Variants in ULK4 observed in about 807,000 individuals in gnomAD.
The protein encoded by ULK4 is unc-51 like kinase 4, also known as inactive serine/threonine-protein kinase ULK4.
Under a neutral mutation model 160.6 loss-of-function variants are expected in ULK4, and 133 were observed. The observed-to-expected ratio is 0.83, with a 90% CI of 0.72 to 0.96. The LOEUF (loss-of-function observed/expected upper bound fraction) is 0.96. ULK4 is among the 40% of genes least tolerant of loss of function. The probability of loss-of-function intolerance (pLI) is 0.00; values close to 1 mark genes in which losing one functional copy is unlikely to be tolerated. For synonymous variants in ULK4, 534 were observed against 539.8 expected (o/e 0.99, Z 0.15); for missense variants, 1,580 against 1,499.5 (o/e 1.05, Z -0.89).
chr3:41,292,896 A>T (rs1054367673), intron 35 of ULK4, among the ~76,000 whole-genome samples: 2 of 152,154 alleles, frequency 1.3e-5, no homozygotes, highest in Non-Finnish European at 2.9e-5. Context: ...GTGAGCCAAG[A>T]TTGCACGACT....
chr3:41,318,250 ATTTTT>A (rs900385612), intron 35 of ULK4, among the ~76,000 whole-genome samples: 6 of 151,704 alleles, frequency 4.0e-5, no homozygotes, highest in South Asian at 2.1e-4. Flanking sequence ...AGTTAAGAAG[ATTTTT>A]TTTTAATTAG....
intron 1 of ULK4, 116 bp downstream of exon 1, chr3:41,961,900 G>A (rs896024896): frequency 6.5e-6 from 1 of 152,762 alleles, no homozygotes; most frequent in Non-Finnish European, 1.5e-5. Flanking sequence ...CAGAAGGAGA[G>A]AGGGCGGCCA....
intron 21 of ULK4, among the ~76,000 whole-genome samples, chr3:41,760,773 G>A (rs1039174765): frequency 6.6e-5 from 10 of 152,102 alleles, no homozygotes; most frequent in Non-Finnish European, 8.8e-5. Flanking sequence ...CAAAAACACT[G>A]AAATCTGAAA....
At chr3:41,652,688 A>T (rs1003672565) in intron 30 of ULK4, among the ~76,000 whole-genome samples, 3 of 152,224 alleles carry the variant, frequency 2.0e-5, no homozygotes, top group Non-Finnish European at 2.9e-5. Context: ...TGGCAGGCGG[A>T]AACAGGAGAA....
intron 32 of ULK4, among the ~76,000 whole-genome samples, chr3:41,559,156 T>A (rs1342959459): frequency 2.7e-5 from 4 of 150,070 alleles, no homozygotes; most frequent in Non-Finnish European, 5.9e-5. Flanking sequence ...GATAGTTTAC[T>A]GAGAATGATG....
chr3:41,848,102 A>G (rs2042115969), intron 17 of ULK4, among the ~76,000 whole-genome samples: 1 of 152,206 alleles, frequency 6.6e-6, no homozygotes, highest in African/African-American at 2.4e-5. Context: ...TGGCATCTGT[A>G]ATTGGCATCT....
chr3:41,331,022 G>A (rs995899862), intron 35 of ULK4, among the ~76,000 whole-genome samples: 5 of 152,192 alleles, frequency 3.3e-5, no homozygotes, highest in Non-Finnish European at 7.4e-5. Flanking sequence ...CACCAAAGCA[G>A]CTTCAAGGCC....
intron 31 of ULK4, among the ~76,000 whole-genome samples, chr3:41,590,103 C>T (rs1416126631): frequency 2.0e-5 from 3 of 151,670 alleles, no homozygotes; most frequent in Non-Finnish European, 4.4e-5. Flanking sequence ...CCCGGATTCA[C>T]GCCATTCTCC....
At chr3:41,391,774 C>T (rs1324645035) in intron 35 of ULK4, among the ~76,000 whole-genome samples, 2 of 152,058 alleles carry the variant, frequency 1.3e-5, no homozygotes, top group African/African-American at 4.8e-5. Context: ...CACAGCAAGA[C>T]TTTCTGAAGA....
chr3:41,316,631 C>T (rs903541945), intron 35 of ULK4, among the ~76,000 whole-genome samples: 3 of 152,134 alleles, frequency 2.0e-5, no homozygotes, highest in South Asian at 2.1e-4. Context: ...AGACAGGGAG[C>T]GGGTGTGGGT....
intron 34 of ULK4, among the ~76,000 whole-genome samples, chr3:41,404,338 T>C (rs2125821062): frequency 6.6e-6 from 1 of 152,144 alleles, no homozygotes; most frequent in South Asian, 2.1e-4. Flanking sequence ...TTAGGTAATG[T>C]CCCTCTCTGC....
intron 31 of ULK4, 97 bp from the exon 32 acceptor site, chr3:41,566,227 G>T: frequency 1.0e-6 from 1 of 994,688 alleles, no homozygotes; most frequent in Non-Finnish European, 1.5e-6. Context: ...TTCATTCTTT[G>T]CACAAGGTTA....
intron 18 of ULK4, among the ~76,000 whole-genome samples, chr3:41,827,407 C>A (rs1184295417): frequency 6.6e-6 from 1 of 151,954 alleles, no homozygotes; most frequent in Non-Finnish European, 1.5e-5. Context: ...AATTGATAGA[C>A]CACTAGCAAG....
intron 34 of ULK4, among the ~76,000 whole-genome samples, chr3:41,413,872 C>G (rs9832048): frequency 4.6e-5 from 7 of 151,902 alleles, no homozygotes; most frequent in Non-Finnish European, 7.4e-5. Context: ...GCCCAGATAC[C>G]TTTGAACTTC....
chr3:41,339,229 C>A (rs1282605576), intron 35 of ULK4, among the ~76,000 whole-genome samples: 1 of 152,032 alleles, frequency 6.6e-6, no homozygotes, highest in Non-Finnish European at 1.5e-5. Flanking sequence ...GGTCTTCACC[C>A]CTGTCCAGGG....
chr3:41,504,434 A>C (rs532015702), intron 32 of ULK4, among the ~76,000 whole-genome samples: 1 of 152,330 alleles, frequency 6.6e-6, no homozygotes, highest in East Asian at 1.9e-4. Flanking sequence ...AAATGGAAAT[A>C]AAAGCCATTT....
At position 41,893,678 on chromosome 3, in the gene ULK4, T is replaced by C. The variant is rs564307256; in HGVS notation, c.1577+1840A>G. Reference sequence around the variant, plus strand: ...AAATAGTAAATAAAATGATCAGATATTCACAACATATAAAAAGTTTATCTT... The same window carrying C: ...AAATAGTAAATAAAATGATCAGATACTCACAACATATAAAAAGTTTATCTT... On this transcript the variant is annotated intron_variant, in intron 16 of 36. Coordinates refer to ENST00000301831, the MANE Select transcript of ULK4 (RefSeq NM_017886.4). 4.6e-5 allele frequency among the ~76,000 whole-genome samples: 7 copies of C among 152,254 alleles called. No homozygotes were observed. In the South Asian group the frequency reaches 1.4e-3, roughly 32 times the overall value.
chr3:41,860,989 A>G (rs2042486965), intron 17 of ULK4, among the ~76,000 whole-genome samples: 1 of 152,174 alleles, frequency 6.6e-6, no homozygotes, highest in Non-Finnish European at 1.5e-5. Flanking sequence ...TAACAACTTA[A>G]CTCTACATAA....
chr3:41,442,536 A>G (rs965007283), intron 34 of ULK4, among the ~76,000 whole-genome samples: 1 of 152,206 alleles, frequency 6.6e-6, no homozygotes, highest in Non-Finnish European at 1.5e-5. Context: ...AATAATCTTA[A>G]TAATGAATGG....
Sources: allele counts gnomAD v4.1 joint callset (sites outside exome capture counted in the v4.1 genomes callset), GRCh38; gene constraint gnomAD v4.1.1; transcripts MANE v1.5; gene names NCBI Gene and HGNC (gene_info 2026-07-23, HGNC 2026-07-21).